Variants in PDIA6 observed in about 807,000 individuals in gnomAD.
PDIA6 encodes the protein protein disulfide-isomerase A6.
Under a neutral mutation model 58.4 loss-of-function variants are expected in PDIA6, and 29 were observed. That is an observed-to-expected ratio of 0.50 (90% CI 0.37 to 0.68). The LOEUF is 0.68. Ranked by LOEUF, PDIA6 falls within the 30% of genes least tolerant of loss-of-function variation. PDIA6 has a pLI of 0.00. For synonymous variants in PDIA6, 192 were observed against 202.6 expected (o/e 0.95, Z 0.44); for missense variants, 480 against 551.0 (o/e 0.87, Z 1.29).
rs141466288 is a variant in PDIA6, at chr2:10,830,031, C to G, written c.-48+2171G>C. 4.6e-3 allele frequency among the ~76,000 whole-genome samples: 708 copies of G among 152,306 alleles called. 8 individuals are homozygous for G. Among genetic ancestry groups the G allele is most frequent in the African/African-American group, 0.016 (661 of 41,554 alleles). ...CTCTGCCTAGGATGCTTCTCTGCCC[C>G]CCACTACCTTGGCTGACACTCAACC... On this transcript the variant is annotated intron_variant, in intron 1 of 13. Coordinates refer to the PDIA6 transcript ENST00000381611.
rs754367171 is a variant in PDIA6, at chr2:10,827,838, T to TAAAAA, written c.-48+4363_-48+4364insTTTTT. Among the ~76,000 whole-genome samples the TAAAAA allele has an allele frequency of 6.9e-4, 78 of 113,160 alleles. 1 individual carries two copies. The highest frequency in any genetic ancestry group is 1.6e-3 in the African/African-American group (56 of 35,812). The allele number at this position is 113,160 out of a possible 152,430, so 74.2% of individuals were successfully genotyped here. ...GACTCTGTCTCAAAAAAAAAAAAATTTTTTTTTTCTTGCAATTCTTTAGAA... is the reference window on the plus strand; with the variant it reads ...GACTCTGTCTCAAAAAAAAAAAAATTAAAAATTTTTTTTCTTGCAATTCTTTAGAA... On this transcript the variant is annotated intron_variant, in intron 1 of 13. Coordinates refer to the PDIA6 transcript ENST00000381611.
At position 10,784,326 on chromosome 2, in the gene PDIA6, G is replaced by C. The variant is rs532264685; in HGVS notation, c.1255C>G (p.Leu419Val). 1 of 1,612,160 alleles carries C rather than the reference G, an allele frequency of 6.2e-7. No individual in the cohort carries two copies. Among genetic ancestry groups the C allele is most frequent in the Non-Finnish European group, 8.5e-7 (1 of 1,179,344 alleles). ...AGGTCAATGTCATCCTCCACGGGAAGCTGGGAGACGACAGAAAGCCACTGT... is the reference window on the plus strand; with the variant it reads ...AGGTCAATGTCATCCTCCACGGGAACCTGGGAGACGACAGAAAGCCACTGT... ...REPWDGRDGELPVEDDIDLSD... is the reference protein window; with the variant it reads ...REPWDGRDGEVPVEDDIDLSD... The change falls in exon 13 of 13, where the codon CTT (leucine) becomes GTT (valine). Residue 419 changes from leucine to valine, a missense_variant and splice_region_variant. Transcript: ENST00000272227.
At chr2:10,804,478 T>C (rs1257676757) in intron 1 of PDIA6, among the ~76,000 whole-genome samples, 3 of 107,234 alleles carry the variant, frequency 2.8e-5, no homozygotes, top group African/African-American at 5.5e-5. Flanking sequence ...GATCAGATAG[T>C]TGTAGACAGG....
intron 11 of PDIA6, among the ~76,000 whole-genome samples, chr2:10,786,347 T>C (rs988811260): frequency 1.3e-5 from 2 of 151,558 alleles, no homozygotes; most frequent in South Asian, 2.1e-4. Context: ...CCATTAACCA[T>C]ATTAACCAAC....
upstream of PDIA6, chr2:10,815,534 A>G (rs1279725654): frequency 2.6e-5 from 4 of 151,970 alleles, no homozygotes; most frequent in African/African-American, 9.7e-5. Context: ...ATTCTAAATA[A>G]GCTGTAACAC....
At chr2:10,837,400 AC>A, upstream of PDIA6, 1 of 614,524 alleles carries the variant, frequency 1.6e-6, no homozygotes, top group Non-Finnish European at 2.9e-6. Context: ...AGATTAAAAA[AC>A]ATACGTGAGG....
chr2:10,836,899 T>A (rs1007969498), upstream of PDIA6, among the ~76,000 whole-genome samples: 1 of 152,202 alleles, frequency 6.6e-6, no homozygotes, highest in African/African-American at 2.4e-5. Context: ...TGGGGTCCCA[T>A]GCCTCAACCC....
chr2:10,790,838 A>C lies in PDIA6; in HGVS notation c.585-5T>G. On this transcript the variant is annotated splice_region_variant and splice_polypyrimidine_tract_variant and intron_variant, in intron 6 of 12. Transcript: ENST00000272227. ...GCAGCCCACTCTGGCTCTAGGCTATAGAAAAATATTCGTTTTGTTTTGTTT... is the reference window on the plus strand; with the variant it reads ...GCAGCCCACTCTGGCTCTAGGCTATCGAAAAATATTCGTTTTGTTTTGTTT... 1 of 1,606,444 alleles carries C rather than the reference A, an allele frequency of 6.2e-7. No individual in the cohort carries two copies.
chr2:10,810,466 C>T, intron 1 of PDIA6: 4 of 1,333,516 alleles, frequency 3.0e-6, no homozygotes, highest in Non-Finnish European at 3.8e-6. Flanking sequence ...TAGGAATGTC[C>T]TTCCCTTTCC....
chr2:10,806,631 A>AC (rs1279468146), intron 1 of PDIA6, among the ~76,000 whole-genome samples: 34 of 118,766 alleles, frequency 2.9e-4, no homozygotes, highest in Non-Finnish European at 3.8e-4. Context: ...ATAAAGACAG[A>AC]AAGAAAGAAA....
At chr2:10,817,791 C>A (rs1191914505) in intron 2 of PDIA6, among the ~76,000 whole-genome samples, 4 of 152,218 alleles carry the variant, frequency 2.6e-5, no homozygotes, top group Non-Finnish European at 4.4e-5. Context: ...ATCAGTGCCA[C>A]CCTCCAACCT....
In PDIA6 at chr2:10,806,650, A is replaced by AAAGAAAGAAAGAAAGAAAGAAAGACAG. The variant is rs1553339954; in HGVS notation, c.20-4011_20-4010insCTGTCTTTCTTTCTTTCTTTCTTTCTT. Reference sequence around the variant, plus strand: ...AGACAGAAAGAAAGAAAGAAAGAAAAACGTTACAGTAAATTAAGGTTAATC... The same window carrying AAAGAAAGAAAGAAAGAAAGAAAGACAG: ...AGACAGAAAGAAAGAAAGAAAGAAAAAAGAAAGAAAGAAAGAAAGAAAGACAGACGTTACAGTAAATTAAGGTTAATC... On this transcript the variant is annotated intron_variant, in intron 1 of 12. Coordinates refer to ENST00000272227, the MANE Select transcript of PDIA6 (RefSeq NM_005742.4). Among the ~76,000 whole-genome samples, 259 of 62,930 alleles carry AAAGAAAGAAAGAAAGAAAGAAAGACAG rather than the reference A, an allele frequency of 4.1e-3. 1 individual carries two copies. The highest frequency in any genetic ancestry group is 8.2e-3 in the Non-Finnish European group (182 of 22,300). The allele number at this position is 62,930 out of a possible 152,430, so 41.3% of individuals were successfully genotyped here.
chr2:10,809,661 A>C (rs1451844616), intron 1 of PDIA6, among the ~76,000 whole-genome samples: 4 of 150,520 alleles, frequency 2.7e-5, no homozygotes, highest in African/African-American at 9.7e-5. Context: ...AAAAAAAAAA[A>C]AAAAAAAAAA....
chr2:10,788,363 T>G (rs1176567336), intron 10 of PDIA6, among the ~76,000 whole-genome samples: 2 of 151,994 alleles, frequency 1.3e-5, no homozygotes, highest in Non-Finnish European at 2.9e-5. Flanking sequence ...TAAAAACATA[T>G]AGCAGAGCAG....
Position 10,793,214 on chromosome 2 carries a change from G to A in PDIA6, c.347-12C>T, listed in dbSNP as rs1000301087. ...ACCAGTTCTGCCACCTACAGGAGAC[G>A]GAAGGTAGGCGGTCCTCAGCCCGGC... is the stretch of plus-strand genomic sequence containing the variant. On this transcript the variant is annotated splice_polypyrimidine_tract_variant and intron_variant, in intron 4 of 12. Transcript: ENST00000272227. The A allele has an allele frequency of 8.2e-6, 13 of 1,581,234 alleles. No individual in the cohort carries two copies. Among genetic ancestry groups the A allele is most frequent in the East Asian group, 6.8e-5 (3 of 43,868 alleles).
Position 10,783,964 on chromosome 2 carries a change from A to C in PDIA6, c.*294T>G, listed in dbSNP as rs1665563320. Reference sequence around the variant, plus strand: ...CATACATAAGAAACAGCCTCCAAGAACATTCAAGCAGCAGTCAGAGAGAAA... The same window carrying C: ...CATACATAAGAAACAGCCTCCAAGACCATTCAAGCAGCAGTCAGAGAGAAA... On this transcript the variant is annotated 3_prime_UTR_variant, in exon 13 of 13. Transcript: ENST00000272227. 4.0e-6 allele frequency: 1 copy of C among 247,010 alleles called. No individual in the cohort carries two copies. Among genetic ancestry groups the C allele is most frequent in the Non-Finnish European group, 7.7e-6 (1 of 129,966 alleles). 15.3% of individuals were successfully genotyped at this position (247,010 alleles called of 1,614,324 possible). A position where few individuals can be genotyped will look rare whatever the true frequency, so the allele number is the denominator to read the frequency against.
At chr2:10,816,630 G>A (rs921641140), upstream of PDIA6, among the ~76,000 whole-genome samples, 9 of 150,092 alleles carry the variant, frequency 6.0e-5, no homozygotes, top group Non-Finnish European at 1.5e-5. Flanking sequence ...ATTTTCTTGC[G>A]ATTGGACTCA....
At chr2:10,793,065 C>T (rs1666105107) in intron 5 of PDIA6, 31 bp downstream of exon 5, 2 of 1,433,336 alleles carry the variant, frequency 1.4e-6, no homozygotes, top group African/African-American at 1.4e-5. Flanking sequence ...AAAATTATGA[C>T]ACATTAAAAA....
chr2:10,819,707 T>A (rs1299560467), intron 1 of PDIA6, among the ~76,000 whole-genome samples: 1 of 152,182 alleles, frequency 6.6e-6, no homozygotes, highest in East Asian at 1.9e-4. Flanking sequence ...GGAACCTCCA[T>A]CCACTTCGTA....
Sources: allele counts gnomAD v4.1 joint callset (sites outside exome capture counted in the v4.1 genomes callset), GRCh38; gene constraint gnomAD v4.1.1; transcripts MANE v1.5; gene names NCBI Gene and HGNC (gene_info 2026-07-23, HGNC 2026-07-21).